The following CFAP299 variants were observed in gnomAD, a reference collection of about 807,000 sequenced individuals.
CFAP299 encodes cilia and flagella associated protein 299, also known as cilia- and flagella-associated protein 299.
In CFAP299, 21 loss-of-function variants were observed where a neutral mutation model predicts 27.0. That is an observed-to-expected ratio of 0.78 (90% CI 0.55 to 1.12). The LOEUF is 1.12. CFAP299 is among the 50% of genes most tolerant of loss of function. The pLI is 0.00. For synonymous variants in CFAP299, 104 were observed against 98.1 expected, an observed-to-expected ratio of 1.06 and a Z score of -0.36; for missense variants, 310 against 276.6, an observed-to-expected ratio of 1.12 and a Z score of -0.86.
chr4:80,664,607 CT>C (rs1381242500), intron 3 of CFAP299, among the ~76,000 whole-genome samples: 1 of 152,134 alleles, frequency 6.6e-6, no homozygotes. Context: ...CCCAGGTTGA[CT>C]TTAGACTGCT....
At chr4:80,876,885 C>T (rs1436708755) in intron 4 of CFAP299, among the ~76,000 whole-genome samples, 1 of 152,124 alleles carries the variant, frequency 6.6e-6, no homozygotes, top group African/African-American at 2.4e-5. Flanking sequence ...TTAAGCAATC[C>T]TGCTGTCCAC....
intron 2 of CFAP299, among the ~76,000 whole-genome samples, chr4:80,466,484 G>A (rs887617110): frequency 6.6e-6 from 1 of 152,096 alleles, no homozygotes; most frequent in Non-Finnish European, 1.5e-5. Flanking sequence ...TCTAAAATAA[G>A]TGCAAAGTAT....
intron 3 of CFAP299, among the ~76,000 whole-genome samples, chr4:80,643,039 G>A (rs1739811177): frequency 1.3e-5 from 2 of 151,564 alleles, no homozygotes; most frequent in African/African-American, 4.9e-5. Context: ...ACTGGCGCCT[G>A]TAATCCCAGC....
intron 1 of CFAP299, among the ~76,000 whole-genome samples, chr4:80,353,657 T>C (rs751908067): frequency 3.3e-5 from 5 of 152,184 alleles, no homozygotes; most frequent in Admixed American, 6.5e-5. Flanking sequence ...TTGAAATCTG[T>C]GGAGGTCAAA....
intron 2 of CFAP299, among the ~76,000 whole-genome samples, chr4:80,498,773 AC>A (rs374546728): frequency 5.3e-5 from 8 of 152,268 alleles, no homozygotes; most frequent in African/African-American, 1.9e-4. Flanking sequence ...AAATAATTCT[AC>A]TATTAAAGAC....
At chr4:80,472,301 T>A (rs1578483703) in intron 2 of CFAP299, among the ~76,000 whole-genome samples, 1 of 152,110 alleles carries the variant, frequency 6.6e-6, no homozygotes, top group South Asian at 2.1e-4. Flanking sequence ...GCTTCTTAGG[T>A]TTCAGGTACA....
chr4:80,647,812 G>T (rs1297044057), intron 3 of CFAP299, among the ~76,000 whole-genome samples: 1 of 152,220 alleles, frequency 6.6e-6, no homozygotes. Context: ...AGTGGCTCAT[G>T]CCTGTACTCC....
intron 1 of CFAP299, among the ~76,000 whole-genome samples, chr4:80,344,686 C>T (rs1005269603): frequency 2.0e-5 from 3 of 151,950 alleles, no homozygotes; most frequent in East Asian, 3.9e-4. Flanking sequence ...AGATATACAA[C>T]AAAAAAAGAA....
In CFAP299 at chr4:80,794,706, A is replaced by G. The variant is rs138659128; in HGVS notation, c.334-75287A>G. Among the ~76,000 whole-genome samples the G allele has an allele frequency of 1.4e-3, 208 of 152,324 alleles. 3 individuals carry two copies. The East Asian group carries it at 0.033, about 24-fold the overall frequency. The stretch of plus-strand genomic sequence containing the variant: ...ACCATGATGGTGGATAAGGCATTTC[A>G]TAAGTCCACATATGGTAGTCTTGGC... On this transcript the variant is annotated intron_variant, in intron 3 of 5. Coordinates refer to ENST00000358105, the MANE Select transcript of CFAP299 (RefSeq NM_152770.3).
chr4:80,475,488 A>T (rs1730231421), intron 2 of CFAP299, among the ~76,000 whole-genome samples: 2 of 152,216 alleles, frequency 1.3e-5, no homozygotes, highest in Admixed American at 1.3e-4. Flanking sequence ...ATTAACTGAG[A>T]CATCCAAGTT....
intron 3 of CFAP299, among the ~76,000 whole-genome samples, chr4:80,640,432 T>TA (rs1272447243): frequency 6.6e-6 from 1 of 152,204 alleles, no homozygotes; most frequent in Non-Finnish European, 1.5e-5. Flanking sequence ...TTTAGGTATA[T>TA]ATCCCTCAGG....
At position 80,851,061 on chromosome 4, in the gene CFAP299, T is replaced by C. The variant is rs183416784; in HGVS notation, c.334-18932T>C. 1.5e-4 allele frequency among the ~76,000 whole-genome samples: 23 copies of C among 152,242 alleles called. No homozygotes were observed. In the East Asian group the frequency reaches 4.4e-3, roughly 29 times the overall value. On this transcript the variant is annotated intron_variant, in intron 3 of 5. Transcript: ENST00000358105. ...TAAAAATCTAGATGCCTGGATTACA[T>C]CCAGTTAGACTGATGTAGTAGACAG... is the stretch of plus-strand genomic sequence containing the variant.
intron 3 of CFAP299, among the ~76,000 whole-genome samples, chr4:80,787,057 C>T (rs1364331523): frequency 6.6e-6 from 1 of 151,696 alleles, no homozygotes; most frequent in Non-Finnish European, 1.5e-5. Context: ...ATAATACTCT[C>T]AACAAACTTG....
chr4:80,868,457 C>T (rs778624738), intron 3 of CFAP299, among the ~76,000 whole-genome samples: 1 of 152,102 alleles, frequency 6.6e-6, no homozygotes, highest in Non-Finnish European at 1.5e-5. Flanking sequence ...GAAGATAGTA[C>T]TTCATGCATT....
intron 3 of CFAP299, among the ~76,000 whole-genome samples, chr4:80,644,255 T>C (rs969046189): frequency 6.6e-6 from 1 of 152,140 alleles, no homozygotes; most frequent in South Asian, 2.1e-4. Flanking sequence ...TGAAAAACAA[T>C]ATAAAAGGAT....
chr4:80,829,639 G>T (rs911028757), intron 3 of CFAP299, among the ~76,000 whole-genome samples: 4 of 152,014 alleles, frequency 2.6e-5, no homozygotes, highest in Admixed American at 2.6e-4. Context: ...GTTCATAGCA[G>T]CATTAATCGT....
chr4:80,667,878 A>AT (rs1364775698), intron 3 of CFAP299, among the ~76,000 whole-genome samples: 55 of 151,718 alleles, frequency 3.6e-4, no homozygotes, highest in Non-Finnish European at 7.4e-4. Context: ...TCTTTTTTTA[A>AT]TTTTTTTAGG....
intron 3 of CFAP299, among the ~76,000 whole-genome samples, chr4:80,735,565 T>A (rs1008289229): frequency 2.8e-4 from 43 of 152,182 alleles, no homozygotes; most frequent in African/African-American, 9.7e-4. Flanking sequence ...AGATACTAGC[T>A]GTGGGTCTAT....
intron 3 of CFAP299, among the ~76,000 whole-genome samples, chr4:80,738,345 A>T (rs1213259812): frequency 6.6e-6 from 1 of 152,116 alleles, no homozygotes; most frequent in African/African-American, 2.4e-5. Context: ...GTCTTCAGAT[A>T]CTATTTATTT....
Sources: gnomAD v4.1 joint callset for allele counts (sites outside exome capture counted in the v4.1 genomes callset) on GRCh38, gnomAD v4.1.1 for gene constraint, MANE v1.5 for transcripts, NCBI Gene and HGNC (gene_info 2026-07-23, HGNC 2026-07-21) for gene names.